ST7: variants seen among roughly 807,000 people sequenced by gnomAD.
ST7 encodes the protein suppressor of tumorigenicity 7 protein.
A neutral mutation model predicts 78.7 loss-of-function variants in ST7; 28 were observed. The observed-to-expected ratio is 0.36, with a 90% CI of 0.26 to 0.49. The LOEUF (loss-of-function observed/expected upper bound fraction) is 0.49, where lower values mean the gene tolerates loss of function less well. ST7 is among the 20% of genes least tolerant of loss of function. The pLI, the probability that ST7 is intolerant of heterozygous loss-of-function variation, is 0.99. For synonymous variants in ST7, 247 were observed against 249.6 expected, an observed-to-expected ratio of 0.99 and a Z score of 0.10; for missense variants, 418 against 696.0, an observed-to-expected ratio of 0.60 and a Z score of 4.49.
chr7:117,055,129 T>C (rs1056056514), intron 1 of ST7, among the ~76,000 whole-genome samples: 1 of 152,262 alleles, frequency 6.6e-6, no homozygotes, highest in Non-Finnish European at 1.5e-5. Context: ...GTTTGATTGA[T>C]ATAATCCTCT....
intron 9 of ST7, among the ~76,000 whole-genome samples, chr7:117,161,624 G>C (rs1807164177): frequency 7.5e-6 from 1 of 134,182 alleles, no homozygotes; most frequent in African/African-American, 2.8e-5. Context: ...TTCCAAGATG[G>C]AGTCTTGCTC....
chr7:117,011,103 A>G (rs1205334926), intron 1 of ST7, among the ~76,000 whole-genome samples: 1 of 152,174 alleles, frequency 6.6e-6, no homozygotes, highest in Non-Finnish European at 1.5e-5. Context: ...TGAACCCTCT[A>G]GTAGGCAGAT....
chr7:117,053,526 C>G (rs1458471431), intron 1 of ST7, among the ~76,000 whole-genome samples: 2 of 152,186 alleles, frequency 1.3e-5, no homozygotes, highest in Admixed American at 1.3e-4. Context: ...AGGGACAGCC[C>G]TCTTACCACA....
chr7:117,119,754 G>T, intron 3 of ST7, 34 bp downstream of exon 3: 2 of 1,599,020 alleles, frequency 1.3e-6, no homozygotes, highest in Non-Finnish European at 8.5e-7. Flanking sequence ...AATATTATTT[G>T]CTTACTGTTA....
intron 1 of ST7, chr7:116,954,250 C>G (rs1365334451): frequency 3.3e-5 from 5 of 152,106 alleles, no homozygotes; most frequent in African/African-American, 1.2e-4. Context: ...CTCCGTGGCC[C>G]GGAGTTGCGT....
At chr7:117,085,644 A>T (rs1800084189) in intron 1 of ST7, among the ~76,000 whole-genome samples, 1 of 152,216 alleles carries the variant, frequency 6.6e-6, no homozygotes, top group East Asian at 1.9e-4. Flanking sequence ...TTTTGCATGA[A>T]AGATAGCTAG....
chr7:117,046,226 C>G (rs1447800896), intron 1 of ST7, among the ~76,000 whole-genome samples: 1 of 152,090 alleles, frequency 6.6e-6, no homozygotes, highest in African/African-American at 2.4e-5. Context: ...AGGGTGAACC[C>G]TGTTTCTTTC....
At chr7:116,962,958 T>G (rs1285041342) in intron 1 of ST7, among the ~76,000 whole-genome samples, 4 of 152,202 alleles carry the variant, frequency 2.6e-5, no homozygotes, top group Non-Finnish European at 5.9e-5. Flanking sequence ...TTGACTAGAA[T>G]GCAATCTTCA....
intron 1 of ST7, among the ~76,000 whole-genome samples, chr7:117,091,973 G>A (rs1044351902): frequency 6.6e-6 from 1 of 152,154 alleles, no homozygotes; most frequent in Non-Finnish European, 1.5e-5. Flanking sequence ...GTTTCTGACT[G>A]GCTGTTGTAG....
At chr7:117,059,426 T>A (rs1031319749) in intron 1 of ST7, among the ~76,000 whole-genome samples, 1 of 152,222 alleles carries the variant, frequency 6.6e-6, no homozygotes, top group Admixed American at 6.5e-5. Context: ...AAGAAATATG[T>A]CTTTGCCTAT....
chr7:117,167,794 C>A (rs1168667611), intron 9 of ST7, among the ~76,000 whole-genome samples: 1 of 152,044 alleles, frequency 6.6e-6, no homozygotes, highest in East Asian at 1.9e-4. Context: ...CCAAGAGAGG[C>A]AAGTGTTTCA....
chr7:117,067,908 A>G (rs1199504471), intron 1 of ST7, among the ~76,000 whole-genome samples: 1 of 152,234 alleles, frequency 6.6e-6, no homozygotes, highest in Non-Finnish European at 1.5e-5. Context: ...ATATTTGTTG[A>G]CATGGTGTTG....
chr7:117,093,357 T>C (rs1382215410), intron 1 of ST7, among the ~76,000 whole-genome samples: 1 of 152,174 alleles, frequency 6.6e-6, no homozygotes, highest in African/African-American at 2.4e-5. Flanking sequence ...ATTGTTAACA[T>C]TTACACATTC....
At chr7:117,064,527 G>A (rs946605107) in intron 1 of ST7, among the ~76,000 whole-genome samples, 2 of 152,184 alleles carry the variant, frequency 1.3e-5, no homozygotes, top group East Asian at 1.9e-4. Flanking sequence ...CAGGACCAAC[G>A]TGTTGGGGTT....
intron 9 of ST7, among the ~76,000 whole-genome samples, chr7:117,147,852 C>T (rs892545448): frequency 1.4e-4 from 21 of 151,910 alleles, no homozygotes; most frequent in Admixed American, 5.3e-4. Flanking sequence ...TTTTACCCCT[C>T]GTCATTGATT....
chr7:116,999,453 A>G (rs1794822339), intron 1 of ST7, among the ~76,000 whole-genome samples: 1 of 152,220 alleles, frequency 6.6e-6, no homozygotes, highest in African/African-American at 2.4e-5. Flanking sequence ...CTATGAGGAA[A>G]AGTATCCAGT....
chr7:116,992,809 G>A (rs752763628), intron 1 of ST7, among the ~76,000 whole-genome samples: 2 of 152,182 alleles, frequency 1.3e-5, no homozygotes, highest in Non-Finnish European at 2.9e-5. Context: ...GCTTTTAACA[G>A]CACCCAAGTC....
At chr7:117,221,842 G>A in intron 14 of ST7, 81 bp from the exon 15 acceptor site, 1 of 1,432,200 alleles carries the variant, frequency 7.0e-7, no homozygotes, top group Non-Finnish European at 9.3e-7. Context: ...CCAAGCTCTG[G>A]AGTCAGTGCC....
intron 1 of ST7, among the ~76,000 whole-genome samples, chr7:116,973,725 C>T (rs1012894460): frequency 2.0e-5 from 3 of 152,168 alleles, no homozygotes; most frequent in Non-Finnish European, 4.4e-5. Context: ...TAAAAATGTA[C>T]ATGATAGACT....
Sources: allele counts gnomAD v4.1 joint callset (sites outside exome capture counted in the v4.1 genomes callset), GRCh38; gene constraint gnomAD v4.1.1; transcripts MANE v1.5; gene names NCBI Gene and HGNC (gene_info 2026-07-23, HGNC 2026-07-21).